RAMP3: variants seen among roughly 807,000 people sequenced by gnomAD.
The protein encoded by RAMP3 is receptor activity-modifying protein 3.
A neutral mutation model predicts 13.5 loss-of-function variants in RAMP3; 14 were observed. The observed-to-expected ratio is 1.04, with a 90% CI of 0.69 to 1.63. The LOEUF (loss-of-function observed/expected upper bound fraction) is 1.63, where lower values mean the gene tolerates loss of function less well. Ranked by LOEUF, RAMP3 falls within the 40% of genes most tolerant of loss-of-function variation. The probability of loss-of-function intolerance (pLI) is 0.00; values close to 1 mark genes in which losing one functional copy is unlikely to be tolerated. For missense variants in RAMP3, 200 were observed against 204.8 expected (o/e 0.98, Z 0.14); for synonymous variants, 106 against 88.3 (o/e 1.20, Z -1.12).
Position 45,184,004 on chromosome 7 carries a change from C to T in RAMP3, c.*592C>T, listed in dbSNP as rs935176792. On this transcript the variant is annotated 3_prime_UTR_variant, in exon 3 of 3. Coordinates refer to ENST00000242249, the MANE Select transcript of RAMP3 (RefSeq NM_005856.3). ...GGGCTGGGGGTTCCCAGGAGCCATGCGTGGCCTGCAGAGTCCATTCCATCA... is the reference window on the plus strand; with the variant it reads ...GGGCTGGGGGTTCCCAGGAGCCATGTGTGGCCTGCAGAGTCCATTCCATCA... 8.7e-5 allele frequency: 36 copies of T among 413,754 alleles called. No individual in the cohort carries two copies. Among genetic ancestry groups the T allele is most frequent in the African/African-American group, 1.6e-4 (8 of 49,090 alleles). The allele number at this position is 413,754 out of a possible 1,614,324, so 25.6% of individuals were successfully genotyped here. A position where few individuals can be genotyped will look rare whatever the true frequency, so the allele number is the denominator to read the frequency against.
intron 1 of RAMP3, among the ~76,000 whole-genome samples, chr7:45,173,848 C>T (rs1786125586): frequency 6.6e-6 from 1 of 152,206 alleles, no homozygotes; most frequent in South Asian, 2.1e-4. Context: ...TGCTACCATC[C>T]TGGGGTCCTC....
chr7:45,168,936 AATTCCATTCC>A (rs1786028586), intron 1 of RAMP3, among the ~76,000 whole-genome samples: 1 of 152,128 alleles, frequency 6.6e-6, no homozygotes. Flanking sequence ...ATGTTGAGGA[AATTCCATTCC>A]ATTCCATTCC....
intron 2 of RAMP3, among the ~76,000 whole-genome samples, chr7:45,178,307 A>C (rs1584076863): frequency 1.3e-5 from 2 of 152,056 alleles, no homozygotes; most frequent in East Asian, 3.9e-4. Flanking sequence ...CTCCTTGGAA[A>C]TTGCTCATGG....
At chr7:45,165,559 ACAATTCACC>A in intron 1 of RAMP3, among the ~76,000 whole-genome samples, 1 of 152,332 alleles carries the variant, frequency 6.6e-6, no homozygotes, top group South Asian at 2.1e-4. Flanking sequence ...CACATGCCAC[ACAATTCACC>A]CATTTAAAGT....
intron 1 of RAMP3, among the ~76,000 whole-genome samples, chr7:45,173,071 A>G (rs918495321): frequency 2.0e-5 from 3 of 152,088 alleles, no homozygotes; most frequent in African/African-American, 7.2e-5. Flanking sequence ...CTTGGCCTTT[A>G]TCCACCCCCA....
intron 2 of RAMP3, among the ~76,000 whole-genome samples, chr7:45,181,843 T>C (rs1786321706): frequency 6.6e-6 from 1 of 152,166 alleles, no homozygotes; most frequent in South Asian, 2.1e-4. Context: ...CGAGGCTGTT[T>C]CTTTTGCTCT....
Position 45,174,246 on chromosome 7 carries a change from G to A in RAMP3, c.59-3063G>A, listed in dbSNP as rs373925112. ...GCATCAGCCTCTCCATCTGTGTAGT[G>A]GGTGTTATAGTGCCCTTGGGGTCTG... On this transcript the variant is annotated intron_variant, in intron 1 of 2. Coordinates refer to ENST00000242249, the MANE Select transcript of RAMP3 (RefSeq NM_005856.3). Among the ~76,000 whole-genome samples the A allele has an allele frequency of 1.2e-4, 18 of 152,262 alleles. No individual in the cohort carries two copies. The East Asian group carries it at 3.1e-3, about 26-fold the overall frequency.
At chr7:45,174,670 A>G (rs893057031) in intron 1 of RAMP3, among the ~76,000 whole-genome samples, 1 of 151,972 alleles carries the variant, frequency 6.6e-6, no homozygotes, top group African/African-American at 2.4e-5. Flanking sequence ...GGCTGCCTGT[A>G]TGCGCAGCCC....
In RAMP3 at chr7:45,182,919, G is replaced by A. The variant is rs879929092; in HGVS notation, c.192-238G>A. On this transcript the variant is annotated intron_variant, in intron 2 of 2. Coordinates refer to ENST00000242249, the MANE Select transcript of RAMP3 (RefSeq NM_005856.3). Reference sequence around the variant, plus strand: ...AGACCCTGGATCCTGGGAGCTCATGGCCTCAAAGGCAGCAAGTCATGGTCA... The same window carrying A: ...AGACCCTGGATCCTGGGAGCTCATGACCTCAAAGGCAGCAAGTCATGGTCA... 2.0e-5 allele frequency among the ~76,000 whole-genome samples: 3 copies of A among 152,178 alleles called. No individual in the cohort carries two copies. The East Asian group carries it at 5.8e-4, about 29-fold the overall frequency.
chr7:45,171,177 A>G (rs1786075116), intron 1 of RAMP3, among the ~76,000 whole-genome samples: 1 of 144,698 alleles, frequency 6.9e-6, no homozygotes, highest in Non-Finnish European at 1.5e-5. Context: ...TTTTTTCGAG[A>G]CAGAGTTTCA....
At chr7:45,168,051 A>G (rs2128656274) in intron 1 of RAMP3, among the ~76,000 whole-genome samples, 1 of 152,280 alleles carries the variant, frequency 6.6e-6, no homozygotes, top group African/African-American at 2.4e-5. Flanking sequence ...CTTAACAATT[A>G]AGTGTTCCAA....
chr7:45,159,076 T>C (rs6962968), intron 1 of RAMP3, among the ~76,000 whole-genome samples: 46,236 of 152,160 alleles, frequency 0.3, 8,941 homozygotes, highest in African/African-American at 0.55. Context: ...CAGTATCAAA[T>C]TGAGAAGGAC....
intron 1 of RAMP3, among the ~76,000 whole-genome samples, chr7:45,164,252 T>C (rs969561794): frequency 2.0e-5 from 3 of 152,118 alleles, no homozygotes; most frequent in Non-Finnish European, 4.4e-5. Context: ...GAGAGAGGAG[T>C]ATTCTCCAAT....
chr7:45,169,454 A>G (rs1316860363), intron 1 of RAMP3, among the ~76,000 whole-genome samples: 1 of 152,240 alleles, frequency 6.6e-6, no homozygotes, highest in Non-Finnish European at 1.5e-5. Flanking sequence ...TTTATTTAGT[A>G]TAGACCTATT....
At chr7:45,179,940 G>A (rs1169138129) in intron 2 of RAMP3, among the ~76,000 whole-genome samples, 2 of 152,256 alleles carry the variant, frequency 1.3e-5, no homozygotes, top group African/African-American at 2.4e-5. Flanking sequence ...CTCCCCCACC[G>A]CAGCCCTGGA....
chr7:45,176,387 TACACACACACACAC>T (rs57539624), intron 1 of RAMP3, among the ~76,000 whole-genome samples: 1 of 147,638 alleles, frequency 6.8e-6, no homozygotes, highest in Admixed American at 6.8e-5. Context: ...GCTGTGTACC[TACACACACACACAC>T]ACACACACAC....
chr7:45,172,538 C>T (rs1169412116), intron 1 of RAMP3, among the ~76,000 whole-genome samples: 1 of 152,126 alleles, frequency 6.6e-6, no homozygotes, highest in African/African-American at 2.4e-5. Context: ...TGCAGTGGCA[C>T]GATCTTGGCT....
intron 2 of RAMP3, among the ~76,000 whole-genome samples, chr7:45,180,995 G>A (rs1229574987): frequency 6.6e-6 from 1 of 152,242 alleles, no homozygotes; most frequent in Non-Finnish European, 1.5e-5. Context: ...AGAGATGGGT[G>A]CTGTGCTCAG....
At chr7:45,172,174 A>G (rs13243020) in intron 1 of RAMP3, among the ~76,000 whole-genome samples, 39,934 of 152,100 alleles carry the variant, frequency 0.26, 6,369 homozygotes, top group African/African-American at 0.44. Flanking sequence ...GCCCAGAAAG[A>G]AGAGACCTCC....
Sources: allele counts gnomAD v4.1 joint callset (sites outside exome capture counted in the v4.1 genomes callset), GRCh38; gene constraint gnomAD v4.1.1; transcripts MANE v1.5; gene names NCBI Gene and HGNC (gene_info 2026-07-23, HGNC 2026-07-21).